The following CBLB variants were observed in gnomAD, a reference collection of about 807,000 sequenced individuals.
CBLB encodes E3 ubiquitin-protein ligase CBL-B.
A neutral mutation model predicts 104.9 loss-of-function variants in CBLB; 31 were observed. The observed-to-expected ratio is 0.30, with a 90% CI of 0.22 to 0.40. The LOEUF (loss-of-function observed/expected upper bound fraction) is 0.40. Among genes scored for constraint, CBLB ranks in the 10% least tolerant of loss-of-function variants. The pLI, the probability that CBLB is intolerant of heterozygous loss-of-function variation, is 1.00. For missense variants in CBLB, 1,062 were observed against 1,214.6 expected (o/e 0.87, Z 1.87); for synonymous variants, 440 against 422.6 (o/e 1.04, Z -0.51).
chr3:105,782,787 GT>G (rs902377864), intron 3 of CBLB, among the ~76,000 whole-genome samples: 4 of 151,956 alleles, frequency 2.6e-5, no homozygotes, highest in African/African-American at 9.7e-5. Context: ...GGCCAGGCTG[GT>G]TTGGAACTCC....
At chr3:105,869,384 G>A, upstream of CBLB, 1 of 1,341,896 alleles carries the variant, frequency 7.5e-7, no homozygotes, top group Non-Finnish European at 9.9e-7. Context: ...GGGAGCCAAA[G>A]CCATCTGGGG....
intron 3 of CBLB, among the ~76,000 whole-genome samples, chr3:105,780,653 GTTTTTTGTTT>G (rs1339168672): frequency 1.2e-5 from 1 of 84,688 alleles, no homozygotes; most frequent in African/African-American, 3.9e-5. Context: ...TAAAAGTTTT[GTTTTTTGTTT>G]TTTTTTTTTT....
intron 6 of CBLB, among the ~76,000 whole-genome samples, chr3:105,741,271 C>T (rs938607332): frequency 2.6e-5 from 4 of 152,130 alleles, no homozygotes; most frequent in African/African-American, 9.7e-5. Context: ...TCACTGCAAC[C>T]TCCGCCTCCC....
rs1051388101 is a variant in CBLB at position 105,868,824 on chromosome 3, T to G, written c.-103A>C. On this transcript the variant is annotated 5_prime_UTR_variant, in exon 1 of 19. Transcript: ENST00000394030. ...CCCAGTGTGTGTGGGGAGCCCCGGC[T>G]GGGAGTGGGATCGCTGAGAACAGCT... 1.0e-6 allele frequency: 1 copy of G among 995,804 alleles called. No individual in the cohort carries two copies. The allele number at this position is 995,804 out of a possible 1,614,324, so 61.7% of individuals were successfully genotyped here.
At chr3:105,676,342 GATAAA>G in intron 17 of CBLB, among the ~76,000 whole-genome samples, 1 of 152,120 alleles carries the variant, frequency 6.6e-6, no homozygotes, top group Non-Finnish European at 1.5e-5. Context: ...GAACAATTAA[GATAAA>G]ATAAATAACT....
intron 12 of CBLB, among the ~76,000 whole-genome samples, chr3:105,697,699 G>A (rs1279433620): frequency 6.6e-6 from 1 of 151,924 alleles, no homozygotes; most frequent in South Asian, 2.1e-4. Context: ...GAAATCATTT[G>A]ATATATTTAT....
intron 2 of CBLB, 132 bp from the exon 3 acceptor site, chr3:105,853,796 T>A (rs984048192): frequency 4.7e-6 from 3 of 643,058 alleles, no homozygotes; most frequent in Non-Finnish European, 7.9e-6. Context: ...CTATCTCCAA[T>A]TTATTAACTG....
At chr3:105,679,643 G>A (rs1040139232) in intron 16 of CBLB, among the ~76,000 whole-genome samples, 2 of 152,028 alleles carry the variant, frequency 1.3e-5, no homozygotes, top group African/African-American at 4.8e-5. Flanking sequence ...GGGCATGGTG[G>A]TACGTGACTG....
intron 10 of CBLB, among the ~76,000 whole-genome samples, chr3:105,710,266 C>T (rs945584477): frequency 6.6e-6 from 1 of 151,888 alleles, no homozygotes; most frequent in Non-Finnish European, 1.5e-5. Context: ...TTGAGCACTG[C>T]TTAAATGAGT....
At chr3:105,797,970 C>G (rs538078793) in intron 3 of CBLB, among the ~76,000 whole-genome samples, 2 of 152,318 alleles carry the variant, frequency 1.3e-5, no homozygotes, top group South Asian at 2.1e-4. Context: ...AGAAGCACTG[C>G]AAGGGCCAGT....
Position 105,740,589 on chromosome 3 carries a change from G to A in CBLB, c.888C>T (p.Ala296=), listed in dbSNP as rs1474807324. The A allele has an allele frequency of 6.2e-7, 1 of 1,613,904 alleles. No individual in the cohort carries two copies. The highest frequency in any genetic ancestry group is 1.7e-5 in the Admixed American group (1 of 60,008). The change falls in exon 7 of 19, where the codon GCC becomes GCT. Residue 296 remains alanine, a synonymous_variant. Transcript: ENST00000394030. The part of the protein sequence containing the change: ...RLSCTRLGQW[A]IGYVTGDGNI... ...TCCCATCCCCAGTCACATAGCCAAT[G>A]GCCCACTGTCCCAATCGAGTGCAAC...
chr3:105,720,456 C>T (rs2072641489), intron 9 of CBLB, among the ~76,000 whole-genome samples: 1 of 151,778 alleles, frequency 6.6e-6, no homozygotes, highest in South Asian at 2.1e-4. Flanking sequence ...CTTCAGTTTC[C>T]GAAGGAAAAA....
Position 105,796,760 on chromosome 3 carries a change from T to C in CBLB, c.420-20218A>G, listed in dbSNP as rs1342682430. Among the ~76,000 whole-genome samples the C allele has an allele frequency of 2.0e-5, 3 of 152,092 alleles. No homozygotes were observed. The East Asian group carries it at 5.8e-4, about 29-fold the overall frequency. ...AGCAAAAAACAACCCCATTAAAAAG[T>C]GGGCAAAGAACATGAACAAACGCTT... On this transcript the variant is annotated intron_variant, in intron 3 of 18. Coordinates refer to ENST00000394030, the MANE Select transcript of CBLB (RefSeq NM_170662.5).
intron 10 of CBLB, among the ~76,000 whole-genome samples, chr3:105,717,877 T>C (rs1047520189): frequency 9.9e-5 from 15 of 152,216 alleles, no homozygotes; most frequent in African/African-American, 3.4e-4. Context: ...TGAGCATTTA[T>C]GACTTTGGTG....
intron 10 of CBLB, among the ~76,000 whole-genome samples, chr3:105,711,973 T>C (rs1390471912): frequency 6.6e-6 from 1 of 152,086 alleles, no homozygotes; most frequent in African/African-American, 2.4e-5. Context: ...CTCTTTGAGG[T>C]CTGGCAGAGA....
intron 3 of CBLB, among the ~76,000 whole-genome samples, chr3:105,781,413 T>C (rs1269746194): frequency 6.6e-6 from 1 of 152,126 alleles, no homozygotes; most frequent in Non-Finnish European, 1.5e-5. Flanking sequence ...TAATGCTTGA[T>C]GGAGGATGGC....
rs1015618637 is a variant in CBLB, at chr3:105,815,205, G to T, written c.419+38209C>A. On this transcript the variant is annotated intron_variant, in intron 3 of 18. Coordinates refer to ENST00000394030, the MANE Select transcript of CBLB (RefSeq NM_170662.5). ...CTAATTTAAGAACTCCTTCAGTGCAGATTGAGATTTAAATCTACAAAAAAT... is the reference window on the plus strand; with the variant it reads ...CTAATTTAAGAACTCCTTCAGTGCATATTGAGATTTAAATCTACAAAAAAT... Among the ~76,000 whole-genome samples, 11 of 152,152 alleles carry T rather than the reference G, an allele frequency of 7.2e-5. 1 individual carries two copies. The East Asian group carries it at 9.7e-4, about 13-fold the overall frequency.
intron 17 of CBLB, chr3:105,670,917 A>AAC (rs1241035152): frequency 1.8e-5 from 3 of 163,144 alleles, no homozygotes; most frequent in African/African-American, 7.2e-5. Flanking sequence ...TCCTATGCTT[A>AAC]ACATCATTGT....
chr3:105,785,567 G>A (rs9288820), intron 3 of CBLB, among the ~76,000 whole-genome samples: 149,397 of 152,280 alleles, frequency 0.98, 73,354 homozygotes, highest in East Asian at 1. Flanking sequence ...ATAGTTTCCC[G>A]TCACACTAAT....
Sources: gnomAD v4.1 joint callset for allele counts (sites outside exome capture counted in the v4.1 genomes callset) on GRCh38, gnomAD v4.1.1 for gene constraint, MANE v1.5 for transcripts, NCBI Gene and HGNC (gene_info 2026-07-23, HGNC 2026-07-21) for gene names.